Variants in SOX1 observed in about 807,000 individuals in gnomAD.
The protein encoded by SOX1 is transcription factor SOX-1.
A neutral mutation model predicts 0.9 loss-of-function variants in SOX1; 1 was observed. The observed-to-expected ratio is 1.07, with a 90% CI of 0.38 to 5.06. SOX1 has a LOEUF of 5.06. Among genes scored for constraint, SOX1 ranks in the 30% most tolerant of loss-of-function variants. The probability of loss-of-function intolerance (pLI) is 0.16; values close to 1 mark genes in which losing one functional copy is unlikely to be tolerated. For synonymous variants in SOX1, 397 were observed against 265.5 expected (o/e 1.50, Z -4.81); for missense variants, 564 against 534.4 (o/e 1.06, Z -0.55).
At position 112,068,446 on chromosome 13, in the gene SOX1, AGGGCTACATGAGCGCGTCGCCCTC is replaced by A; in HGVS notation, c.796_819del (p.Met266_Tyr273del). ...CAGTACAGCCCCATCTCCAACTCGC[AGGGCTACATGAGCGCGTCGCCCTC>A]GGGCTACGGCGGCCTCCCCTACGGC... On this transcript the variant is annotated inframe_deletion, in exon 1 of 1. Coordinates refer to ENST00000330949, the MANE Select transcript of SOX1 (RefSeq NM_005986.3). This position sits in a 1 kb window ranked among gnomAD's most constrained non-coding sequence, Gnocchi z 6.9. 1 of 1,228,864 alleles carries A rather than the reference AGGGCTACATGAGCGCGTCGCCCTC, an allele frequency of 8.1e-7. No homozygotes were observed. Among genetic ancestry groups the A allele is most frequent in the Non-Finnish European group, 1.0e-6 (1 of 963,358 alleles). The allele number at this position is 1,228,864 out of a possible 1,614,324, so 76.1% of individuals were successfully genotyped here. A position where few individuals can be genotyped will look rare whatever the true frequency, so the allele number is the denominator to read the frequency against.
rs1566475451 is a variant in SOX1, at chr13:112,068,041, C to T, written c.383C>T (p.Thr128Met). 1.2e-6 allele frequency: 2 copies of T among 1,602,750 alleles called. No individual in the cohort carries two copies. The highest frequency in any genetic ancestry group is 2.7e-5 in the African/African-American group (2 of 74,342). ...TACCGGCCGCGCCGCAAGACCAAGACGCTGCTCAAGAAGGACAAGTACTCG... is the reference window on the plus strand; with the variant it reads ...TACCGGCCGCGCCGCAAGACCAAGATGCTGCTCAAGAAGGACAAGTACTCG... ...YKYRPRRKTK[T>M]LLKKDKYSLA... Residue 128 changes from threonine to methionine, a missense_variant, in exon 1 of 1, where the codon ACG (threonine) becomes ATG (methionine). Coordinates refer to ENST00000330949, the MANE Select transcript of SOX1 (RefSeq NM_005986.3). This position sits in a 1 kb window ranked among gnomAD's most constrained non-coding sequence, Gnocchi z 6.9.
At position 112,068,750 on chromosome 13, in the gene SOX1, G is replaced by A. The variant is rs1880804600; in HGVS notation, c.1092G>A (p.Ala364=). ...GDPAAAAAAA[A]QSRLHSLPQH... is the part of the protein sequence containing the mutation. ...CGGCGGCGGCAGCAGCGGCCGCGGC[G>A]CAGAGCCGGCTGCACTCGCTGCCGC... Residue 364 remains alanine (A), a synonymous_variant, in exon 1 of 1, where the codon GCG becomes GCA. Transcript: ENST00000330949. This position sits in a 1 kb window ranked among gnomAD's most constrained non-coding sequence, Gnocchi z 6.9. 22 of 1,200,576 alleles carry A rather than the reference G, an allele frequency of 1.8e-5. No individual in the cohort carries two copies. Among genetic ancestry groups the A allele is most frequent in the Non-Finnish European group, 2.1e-5 (20 of 968,970 alleles). 74.4% of individuals were successfully genotyped at this position (1,200,576 alleles called of 1,614,324 possible).
At position 112,071,587 on chromosome 13, in the gene SOX1, G is replaced by A. The variant is rs1875877189; in HGVS notation, c.*2753G>A. Among the ~76,000 whole-genome samples, 1 of 152,148 alleles carries A rather than the reference G, an allele frequency of 6.6e-6. No homozygotes were observed. On this transcript the variant is annotated 3_prime_UTR_variant, in exon 1 of 1. Coordinates refer to ENST00000330949, the MANE Select transcript of SOX1 (RefSeq NM_005986.3). ...GAGAAAAGATTACAGTAGGCCCTGAGCCGACTGTGAATTCGGTGCTTGGCC... is the reference window on the plus strand; with the variant it reads ...GAGAAAAGATTACAGTAGGCCCTGAACCGACTGTGAATTCGGTGCTTGGCC...
rs1481503196 is a variant in SOX1 at position 112,067,417 on chromosome 13, C to T, written c.-242C>T. 6.6e-6 allele frequency among the ~76,000 whole-genome samples: 1 copy of T among 152,166 alleles called. No individual in the cohort carries two copies. The highest frequency in any genetic ancestry group is 2.4e-5 in the African/African-American group (1 of 41,456). ...AGACGGCGACCCCGACCGTCGGCCT[C>T]TTTGGCAAGTGGTTTGTGCATCAGG... On this transcript the variant is annotated 5_prime_UTR_variant, in exon 1 of 1. Coordinates refer to ENST00000330949, the MANE Select transcript of SOX1 (RefSeq NM_005986.3). The surrounding 1 kb of genome is among the most constrained non-coding windows in gnomAD (Gnocchi z 5.1).
chr13:112,067,781 C>G lies in SOX1; in HGVS notation c.123C>G (p.Gly41=), dbSNP rs777036757. ...GCGGAGGCGGGGGCGGCGGCGGCGG[C>G]GGGGGCGCCAAGGCCAACCAGGACC... ...GGGGGGGGGG[G]GGAKANQDRV... is the part of the protein sequence containing the mutation. The change falls in exon 1 of 1, where the codon GGC becomes GGG. Residue 41 remains glycine, a synonymous_variant. Transcript: ENST00000330949. The surrounding 1 kb of genome is among the most constrained non-coding windows in gnomAD (Gnocchi z 5.1). 14 of 1,323,472 alleles carry G rather than the reference C, an allele frequency of 1.1e-5. No homozygotes were observed. Among genetic ancestry groups the G allele is most frequent in the South Asian group, 2.5e-5 (1 of 39,870 alleles). 82.0% of individuals were successfully genotyped at this position (1,323,472 alleles called of 1,614,324 possible).
chr13:112,067,709 G>A lies in SOX1; in HGVS notation c.51G>A (p.Gln17=). 7.8e-7 allele frequency: 1 copy of A among 1,280,192 alleles called. No individual in the cohort carries two copies. 79.3% of individuals were successfully genotyped at this position (1,280,192 alleles called of 1,614,324 possible). Reference sequence around the variant, plus strand: ...ACCTGCACTCGCCCGGCGGCGCCCAGGCCCCCACGAACCTCTCGGGCCCCG... The same window carrying A: ...ACCTGCACTCGCCCGGCGGCGCCCAAGCCCCCACGAACCTCTCGGGCCCCG... ...ETDLHSPGGA[Q]APTNLSGPAG... Residue 17 remains glutamine, a synonymous_variant, in exon 1 of 1, where the codon CAG becomes CAA. Coordinates refer to ENST00000330949, the MANE Select transcript of SOX1 (RefSeq NM_005986.3). The surrounding 1 kb of genome is among the most constrained non-coding windows in gnomAD (Gnocchi z 5.1).
rs909014585 is a variant in SOX1, at chr13:112,071,589, C to A, written c.*2755C>A. Reference sequence around the variant, plus strand: ...GAAAAGATTACAGTAGGCCCTGAGCCGACTGTGAATTCGGTGCTTGGCCAA... The same window carrying A: ...GAAAAGATTACAGTAGGCCCTGAGCAGACTGTGAATTCGGTGCTTGGCCAA... On this transcript the variant is annotated 3_prime_UTR_variant, in exon 1 of 1. Coordinates refer to ENST00000330949, the MANE Select transcript of SOX1 (RefSeq NM_005986.3). 1.3e-5 allele frequency among the ~76,000 whole-genome samples: 2 copies of A among 152,020 alleles called. No homozygotes were observed. The highest frequency in any genetic ancestry group is 1.3e-4 in the Admixed American group (2 of 15,268).
rs1001889852 is a variant in SOX1 at position 112,067,754 on chromosome 13, G to GGGCGGA, written c.102_107dup (p.Gly42_Gly43dup). ...GCCCCGCCGGGGCGGGCGGCGGCGGGGGCGGAGGCGGGGGCGGCGGCGGCG... is the reference window on the plus strand; with the variant it reads ...GCCCCGCCGGGGCGGGCGGCGGCGGGGGCGGAGGCGGAGGCGGGGGCGGCGGCGGCG... On this transcript the variant is annotated inframe_insertion, in exon 1 of 1. Coordinates refer to ENST00000330949, the MANE Select transcript of SOX1 (RefSeq NM_005986.3). This position sits in a 1 kb window ranked among gnomAD's most constrained non-coding sequence, Gnocchi z 5.1. 5.7e-6 allele frequency: 7 copies of GGGCGGA among 1,237,658 alleles called. No homozygotes were observed. The highest frequency in any genetic ancestry group is 6.5e-4 in the Middle Eastern group (2 of 3,096). 76.7% of individuals were successfully genotyped at this position (1,237,658 alleles called of 1,614,324 possible). A position where few individuals can be genotyped will look rare whatever the true frequency, so the allele number is the denominator to read the frequency against.
rs1880836884 is a variant in SOX1 at position 112,069,713 on chromosome 13, A to G, written c.*879A>G. 1 of 167,040 alleles carries G rather than the reference A, an allele frequency of 6.0e-6. No individual in the cohort carries two copies. The highest frequency in any genetic ancestry group is 1.5e-5 in the Non-Finnish European group (1 of 68,116). The allele number at this position is 167,040 out of a possible 1,614,324, so 10.3% of individuals were successfully genotyped here. On this transcript the variant is annotated 3_prime_UTR_variant, in exon 1 of 1. Coordinates refer to ENST00000330949, the MANE Select transcript of SOX1 (RefSeq NM_005986.3). The stretch of plus-strand genomic sequence containing the variant: ...AATGCAATGAGGAAATCTGACAGGG[A>G]AATTATCTGTATGAACTAAAAGTAA...
At position 112,069,619 on chromosome 13, in the gene SOX1, A is replaced by G. The variant is rs1433648832; in HGVS notation, c.*785A>G. ...AAAATGTTTCGAGTCAACAAATTTA[A>G]GAGACAGAGCCCATTTTCTCCATAA... On this transcript the variant is annotated 3_prime_UTR_variant, in exon 1 of 1. Transcript: ENST00000330949. 1.2e-5 allele frequency: 2 copies of G among 167,130 alleles called. No homozygotes were observed. Among genetic ancestry groups the G allele is most frequent in the Non-Finnish European group, 2.9e-5 (2 of 68,134 alleles). 10.4% of individuals were successfully genotyped at this position (167,130 alleles called of 1,614,324 possible). A position where few individuals can be genotyped will look rare whatever the true frequency, so the allele number is the denominator to read the frequency against.
chr13:112,068,409 A>G lies in SOX1; in HGVS notation c.751A>G (p.Met251Val). 1.5e-6 allele frequency: 2 copies of G among 1,293,916 alleles called. No individual in the cohort carries two copies. Among genetic ancestry groups the G allele is most frequent in the East Asian group, 9.9e-5 (2 of 20,208 alleles). 80.2% of individuals were successfully genotyped at this position (1,293,916 alleles called of 1,614,324 possible). The change falls in exon 1 of 1, where the codon ATG (methionine) becomes GTG (valine). Residue 251 changes from methionine (M) to valine (V), a missense_variant. Coordinates refer to ENST00000330949, the MANE Select transcript of SOX1 (RefSeq NM_005986.3). This position sits in a 1 kb window ranked among gnomAD's most constrained non-coding sequence, Gnocchi z 6.9. ...HNPQPMHRYD[M>V]GALQYSPISN... is the part of the protein sequence containing the mutation. Reference sequence around the variant, plus strand: ...CCCGCAGCCCATGCACCGCTACGACATGGGCGCGCTGCAGTACAGCCCCAT... The same window carrying G: ...CCCGCAGCCCATGCACCGCTACGACGTGGGCGCGCTGCAGTACAGCCCCAT...
At position 112,070,719 on chromosome 13, in the gene SOX1, T is replaced by G. The variant is rs1180566831; in HGVS notation, c.*1885T>G. ...AATTCAGCCTGCATTCGAGAATAGC[T>G]TTAAGTATAATGCTGATCTGACAAT... On this transcript the variant is annotated 3_prime_UTR_variant, in exon 1 of 1. Transcript: ENST00000330949. Among the ~76,000 whole-genome samples, 2 of 152,200 alleles carry G rather than the reference T, an allele frequency of 1.3e-5. No individual in the cohort carries two copies. The highest frequency in any genetic ancestry group is 2.9e-5 in the Non-Finnish European group (2 of 68,040).
chr13:112,068,713 A>AG lies in SOX1; in HGVS notation c.1061dup (p.Asp355ArgfsTer106). The AG allele has an allele frequency of 5.1e-6, 6 of 1,181,128 alleles. No individual in the cohort carries two copies. Among genetic ancestry groups the AG allele is most frequent in the South Asian group, 4.2e-5 (1 of 23,998 alleles). 73.2% of individuals were successfully genotyped at this position (1,181,128 alleles called of 1,614,324 possible). On this transcript the variant is annotated frameshift_variant, in exon 1 of 1. Coordinates refer to ENST00000330949, the MANE Select transcript of SOX1 (RefSeq NM_005986.3). LOFTEE classifies it low-confidence loss of function (END_TRUNC). This position sits in a 1 kb window ranked among gnomAD's most constrained non-coding sequence, Gnocchi z 6.9. ...ATCAGCATGTACTTGCCCGCCGGCG[A>AG]GGGGGGCGACCCGGCGGCGGCAGCA...
In SOX1 at chr13:112,068,311, G is replaced by GCGCGGGCGGCGCGCACCCGCA. The variant is rs1880782291; in HGVS notation, c.658_678dup (p.Gly220_Ala226dup). 9.4e-7 allele frequency: 1 copy of GCGCGGGCGGCGCGCACCCGCA among 1,060,040 alleles called. No individual in the cohort carries two copies. Among genetic ancestry groups the GCGCGGGCGGCGCGCACCCGCA allele is most frequent in the Non-Finnish European group, 1.1e-6 (1 of 875,184 alleles). 65.7% of individuals were successfully genotyped at this position (1,060,040 alleles called of 1,614,324 possible). Reference sequence around the variant, plus strand: ...CAGCTGGCCTACGGGCAGCACCCGGGCGCGGGCGGCGCGCACCCGCACGCG... The same window carrying GCGCGGGCGGCGCGCACCCGCA: ...CAGCTGGCCTACGGGCAGCACCCGGGCGCGGGCGGCGCGCACCCGCACGCGGGCGGCGCGCACCCGCACGCG... On this transcript the variant is annotated inframe_insertion, in exon 1 of 1. Coordinates refer to ENST00000330949, the MANE Select transcript of SOX1 (RefSeq NM_005986.3). This position sits in a 1 kb window ranked among gnomAD's most constrained non-coding sequence, Gnocchi z 6.9.
rs187945267 is a variant in SOX1, at chr13:112,070,249, T to G, written c.*1415T>G. On this transcript the variant is annotated 3_prime_UTR_variant, in exon 1 of 1. Transcript: ENST00000330949. ...CTGGATTCTCACACACACAGAAATATCGACCATCACCCTCCCCCGCGTGAA... is the reference window on the plus strand; with the variant it reads ...CTGGATTCTCACACACACAGAAATAGCGACCATCACCCTCCCCCGCGTGAA... 2.3e-4 allele frequency: 38 copies of G among 167,098 alleles called. 1 individual carries two copies. The highest frequency in any genetic ancestry group is 2.2e-3 in the Admixed American group (33 of 15,264). The allele number at this position is 167,098 out of a possible 1,614,324, so 10.4% of individuals were successfully genotyped here.
rs1880803131 is a variant in SOX1 at position 112,068,721 on chromosome 13, G to A, written c.1063G>A (p.Asp355Asn). 2 of 1,185,046 alleles carry A rather than the reference G, an allele frequency of 1.7e-6. No homozygotes were observed. Among genetic ancestry groups the A allele is most frequent in the African/African-American group, 1.6e-5 (1 of 62,266 alleles). The allele number at this position is 1,185,046 out of a possible 1,614,324, so 73.4% of individuals were successfully genotyped here. ...GTACTTGCCCGCCGGCGAGGGGGGCGACCCGGCGGCGGCAGCAGCGGCCGC... is the reference window on the plus strand; with the variant it reads ...GTACTTGCCCGCCGGCGAGGGGGGCAACCCGGCGGCGGCAGCAGCGGCCGC... ...SMYLPAGEGG[D>N]PAAAAAAAAQ... The change falls in exon 1 of 1, where the codon GAC (aspartate) becomes AAC (asparagine). Residue 355 changes from aspartate to asparagine, a missense_variant. Physicochemically the swap from Asp to Asn is conservative, Grantham distance 23. Transcript: ENST00000330949. The surrounding 1 kb of genome is among the most constrained non-coding windows in gnomAD (Gnocchi z 6.9).
rs770105474 is a variant in SOX1 at position 112,068,048 on chromosome 13, CAAG to C, written c.394_396del (p.Lys132del). 2 of 1,599,550 alleles carry C rather than the reference CAAG, an allele frequency of 1.3e-6. No individual in the cohort carries two copies. Among genetic ancestry groups the C allele is most frequent in the Non-Finnish European group, 8.5e-7 (1 of 1,173,134 alleles). On this transcript the variant is annotated inframe_deletion, in exon 1 of 1. Coordinates refer to ENST00000330949, the MANE Select transcript of SOX1 (RefSeq NM_005986.3). The surrounding 1 kb of genome is among the most constrained non-coding windows in gnomAD (Gnocchi z 6.9). ...CGCGCCGCAAGACCAAGACGCTGCT[CAAG>C]AAGGACAAGTACTCGCTGGCCGGCG... is the stretch of plus-strand genomic sequence containing the variant.
chr13:112,070,162 C>G lies in SOX1; in HGVS notation c.*1328C>G, dbSNP rs1443150913. 4 of 167,106 alleles carry G rather than the reference C, an allele frequency of 2.4e-5. No homozygotes were observed. The highest frequency in any genetic ancestry group is 9.7e-5 in the African/African-American group (4 of 41,440). The allele number at this position is 167,106 out of a possible 1,614,324, so 10.4% of individuals were successfully genotyped here. A position where few individuals can be genotyped will look rare whatever the true frequency, so the allele number is the denominator to read the frequency against. On this transcript the variant is annotated 3_prime_UTR_variant, in exon 1 of 1. Coordinates refer to ENST00000330949, the MANE Select transcript of SOX1 (RefSeq NM_005986.3). ...AAACGTACTGCAGCCGAGCCCCCTC[C>G]GTCCATCCTCTGCCCCTCCCCCTGG...
In SOX1 at chr13:112,068,245, TGGCGGC is replaced by T. The variant is rs949147623; in HGVS notation, c.600_605del (p.Ala203_Ala204del). On this transcript the variant is annotated inframe_deletion, in exon 1 of 1. Coordinates refer to ENST00000330949, the MANE Select transcript of SOX1 (RefSeq NM_005986.3). The surrounding 1 kb of genome is among the most constrained non-coding windows in gnomAD (Gnocchi z 6.9). ...GCCAACGGCGCCTACCCCGGCTCGG[TGGCGGC>T]GGCGGCGGCGGCCGCGGCCATGATG... The T allele has an allele frequency of 1.2e-4, 86 of 719,998 alleles. No individual in the cohort carries two copies. Among genetic ancestry groups the T allele is most frequent in the African/African-American group, 4.2e-4 (21 of 49,876 alleles). 44.6% of individuals were successfully genotyped at this position (719,998 alleles called of 1,614,324 possible). A position where few individuals can be genotyped will look rare whatever the true frequency, so the allele number is the denominator to read the frequency against.
Sources: gnomAD v4.1 joint callset for allele counts (sites outside exome capture counted in the v4.1 genomes callset) on GRCh38, gnomAD v4.1.1 for gene constraint, Gnocchi (gnomAD v3.1) non-coding constraint, MANE v1.5 for transcripts, NCBI Gene and HGNC (gene_info 2026-07-23, HGNC 2026-07-21) for gene names.